KIF26B: variants seen among roughly 807,000 people sequenced by gnomAD.
KIF26B encodes kinesin family member 26B.
In KIF26B, 63 loss-of-function variants were observed where a neutral mutation model predicts 151.2. That is an observed-to-expected ratio of 0.42 (90% CI 0.34 to 0.51). KIF26B has a LOEUF of 0.51. Among genes scored for constraint, KIF26B ranks in the 20% least tolerant of loss-of-function variants. The pLI, the probability that KIF26B is intolerant of heterozygous loss-of-function variation, is 0.07. For missense variants in KIF26B, 2,813 were observed against 2,913.6 expected, an observed-to-expected ratio of 0.97 and a Z score of 0.79; for synonymous variants, 1,357 against 1,262.1, an observed-to-expected ratio of 1.08 and a Z score of -1.59.
In KIF26B at chr1:245,366,831, T is replaced by C. The variant is rs368348911; in HGVS notation, c.466-3T>C. On this transcript the variant is annotated splice_region_variant and splice_polypyrimidine_tract_variant and intron_variant, in intron 2 of 14. Transcript: ENST00000407071. ...CCTCTCCCTCTGCTTCTGTGTTCTG[T>C]AGGACCCTGCTTTCTCGGCTGTGAT... 1.9e-6 allele frequency: 3 copies of C among 1,613,622 alleles called. No homozygotes were observed. The highest frequency in any genetic ancestry group is 2.5e-6 in the Non-Finnish European group (3 of 1,179,700).
intron 4 of KIF26B, among the ~76,000 whole-genome samples, chr1:245,518,236 A>G (rs1266132630): frequency 6.6e-6 from 1 of 152,192 alleles, no homozygotes; most frequent in Non-Finnish European, 1.5e-5. Context: ...TTCTCAAAAC[A>G]GGCAATGATT....
chr1:245,293,871 C>T (rs1052816697), intron 2 of KIF26B, among the ~76,000 whole-genome samples: 1 of 152,196 alleles, frequency 6.6e-6, no homozygotes, highest in East Asian at 1.9e-4. Flanking sequence ...AGCTACTGCA[C>T]CCAGCCGATT....
At chr1:245,431,916 A>G (rs1234626784) in intron 4 of KIF26B, among the ~76,000 whole-genome samples, 2 of 152,142 alleles carry the variant, frequency 1.3e-5, no homozygotes, top group African/African-American at 2.4e-5. Flanking sequence ...TTCCTCTGCC[A>G]TGTTCCCACT....
intron 3 of KIF26B, among the ~76,000 whole-genome samples, chr1:245,388,836 G>A (rs1216727983): frequency 6.6e-6 from 1 of 152,182 alleles, no homozygotes; most frequent in African/African-American, 2.4e-5. Context: ...ACCAGCCCAA[G>A]GACTATTTCA....
chr1:245,697,597 T>C (rs540345115), intron 12 of KIF26B, among the ~76,000 whole-genome samples: 19 of 152,180 alleles, frequency 1.2e-4, no homozygotes, highest in Non-Finnish European at 2.2e-4. Context: ...GGGAGTTTGC[T>C]GAGCTAAAGC....
chr1:245,290,410 A>G (rs578047752), intron 2 of KIF26B, among the ~76,000 whole-genome samples: 5 of 152,368 alleles, frequency 3.3e-5, no homozygotes, highest in Non-Finnish European at 7.3e-5. Context: ...CTGCACAGAC[A>G]GATCAGAACC....
chr1:245,492,519 A>C (rs1188714822), intron 4 of KIF26B, among the ~76,000 whole-genome samples: 1 of 152,256 alleles, frequency 6.6e-6, no homozygotes, highest in East Asian at 1.9e-4. Context: ...AAACAAAGCC[A>C]ACATTACAGT....
chr1:245,185,788 T>C (rs985691688), intron 2 of KIF26B, among the ~76,000 whole-genome samples: 2 of 152,108 alleles, frequency 1.3e-5, no homozygotes, highest in Admixed American at 1.3e-4. Flanking sequence ...CTTTGATGAG[T>C]CATGGGCTGA....
intron 3 of KIF26B, among the ~76,000 whole-genome samples, chr1:245,391,440 C>T (rs775737554): frequency 4.6e-4 from 70 of 152,206 alleles, no homozygotes; most frequent in Non-Finnish European, 5.4e-4. Flanking sequence ...GATATCTCAA[C>T]GGAAACCACA....
chr1:245,335,578 C>A (rs1289570956), intron 2 of KIF26B, among the ~76,000 whole-genome samples: 1 of 151,048 alleles, frequency 6.6e-6, no homozygotes, highest in Non-Finnish European at 1.5e-5. Context: ...AAAGGAGAGT[C>A]CCACGCGGGA....
At chr1:245,518,328 A>C (rs920346005) in intron 4 of KIF26B, among the ~76,000 whole-genome samples, 2 of 152,226 alleles carry the variant, frequency 1.3e-5, no homozygotes, top group Non-Finnish European at 2.9e-5. Flanking sequence ...ATCATGGGTC[A>C]ATAATGGGCC....
chr1:245,306,544 A>G (rs1189489987), intron 2 of KIF26B, among the ~76,000 whole-genome samples: 3 of 152,182 alleles, frequency 2.0e-5, no homozygotes, highest in African/African-American at 7.2e-5. Context: ...AATATTGAAA[A>G]CCAGAGATAC....
intron 5 of KIF26B, among the ~76,000 whole-genome samples, chr1:245,542,551 G>A (rs1458517173): frequency 6.6e-6 from 1 of 152,182 alleles, no homozygotes; most frequent in African/African-American, 2.4e-5. Context: ...CATGGAAGCA[G>A]GTGGAAAAAA....
At chr1:245,503,740 G>C (rs983801031) in intron 4 of KIF26B, among the ~76,000 whole-genome samples, 1 of 152,240 alleles carries the variant, frequency 6.6e-6, no homozygotes, top group Non-Finnish European at 1.5e-5. Context: ...CTTGGAGCTA[G>C]AACTTGGTTT....
chr1:245,646,242 C>T lies in KIF26B; in HGVS notation c.2220C>T (p.Ile740=). 6.2e-7 allele frequency: 1 copy of T among 1,613,910 alleles called. No individual in the cohort carries two copies. The highest frequency in any genetic ancestry group is 8.5e-7 in the Non-Finnish European group (1 of 1,179,868). The change falls in exon 10 of 15, where the codon ATC becomes ATT. Residue 740 remains isoleucine, a synonymous_variant. Transcript: ENST00000407071. ...CLSLSALGNV[I]LALVNGSKHI... is the part of the protein sequence containing the mutation. ...CGCTGTCTGCTCTGGGCAATGTCAT[C>T]CTGGCTCTCGTCAATGGCAGCAAAC... is the stretch of plus-strand genomic sequence containing the variant.
intron 9 of KIF26B, among the ~76,000 whole-genome samples, chr1:245,619,901 A>G (rs1329657691): frequency 6.6e-6 from 1 of 152,142 alleles, no homozygotes; most frequent in Non-Finnish European, 1.5e-5. Flanking sequence ...TGACAGGGCA[A>G]GACTCCATCT....
intron 2 of KIF26B, among the ~76,000 whole-genome samples, chr1:245,253,707 T>G (rs1670482661): frequency 6.6e-6 from 1 of 151,602 alleles, no homozygotes; most frequent in African/African-American, 2.4e-5. Context: ...AAAATGGTTA[T>G]AGGACTTTTC....
rs57966115 is a variant in KIF26B, at chr1:245,352,175, T to G, written c.466-14659T>G. On this transcript the variant is annotated intron_variant, in intron 2 of 14. Transcript: ENST00000407071. This position sits in a 1 kb window ranked among gnomAD's most constrained non-coding sequence, Gnocchi z 5.0. ...AATATTCTCAAATTGTATTGAAACC[T>G]GTAACCAAAACCAAAGTTAAAATTG... Among the ~76,000 whole-genome samples, 5,736 of 152,338 alleles carry G rather than the reference T, an allele frequency of 0.038. 348 individuals are homozygous for G. Among genetic ancestry groups the G allele is most frequent in the African/African-American group, 0.13 (5,447 of 41,554 alleles).
At chr1:245,355,308 A>C (rs1401799622) in intron 2 of KIF26B, among the ~76,000 whole-genome samples, 2 of 152,116 alleles carry the variant, frequency 1.3e-5, no homozygotes, top group Non-Finnish European at 2.9e-5. Flanking sequence ...GCCTCTACTC[A>C]CTAGACGTCA....
Sources: allele counts gnomAD v4.1 joint callset (sites outside exome capture counted in the v4.1 genomes callset), GRCh38; gene constraint gnomAD v4.1.1; non-coding constraint Gnocchi (gnomAD v3.1); transcripts MANE v1.5; gene names NCBI Gene and HGNC (gene_info 2026-07-23, HGNC 2026-07-21).